ANKRD36: variants seen among roughly 807,000 people sequenced by gnomAD.
The protein encoded by ANKRD36 is ankyrin repeat domain 36, also known as ankyrin repeat domain-containing protein 36A.
A neutral mutation model predicts 278.1 loss-of-function variants in ANKRD36; 179 were observed. That is an observed-to-expected ratio of 0.64 (90% CI 0.57 to 0.73). The LOEUF (loss-of-function observed/expected upper bound fraction) is 0.73. Ranked by LOEUF, ANKRD36 falls within the 30% of genes least tolerant of loss-of-function variation. ANKRD36 has a pLI of 0.00. For missense variants in ANKRD36, 1,159 were observed against 1,956.7 expected, an observed-to-expected ratio of 0.59 and a Z score of 7.69; for synonymous variants, 320 against 641.1, an observed-to-expected ratio of 0.50 and a Z score of 7.57.
chr2:97,200,183 C>G (rs557429375), intron 44 of ANKRD36, 151 bp from the exon 45 acceptor site: 3 of 1,492,544 alleles, frequency 2.0e-6, no homozygotes, highest in East Asian at 4.9e-5. Context: ...GTATTTCTGT[C>G]ATGTTCTGAT....
chr2:97,208,649 C>G (rs1326950436), intron 54 of ANKRD36, among the ~76,000 whole-genome samples: 1 of 146,478 alleles, frequency 6.8e-6, no homozygotes, highest in African/African-American at 2.7e-5. Flanking sequence ...ACCACACTGA[C>G]CCATTACTCC....
At chr2:97,149,646 T>A (rs199820547) in intron 12 of ANKRD36, among the ~76,000 whole-genome samples, 1 of 130,580 alleles carries the variant, frequency 7.7e-6, no homozygotes, top group Non-Finnish European at 1.7e-5. Context: ...TTTCCCACAG[T>A]AGAGGATATA....
rs780281060 is a variant in ANKRD36, at chr2:97,164,298, C to T, written c.1445C>T (p.Pro482Leu). The part of the protein sequence containing the change: ...GQKANVSPEQ[P>L]PLFTHTVKDR... ...TGCTTTGTAGTGTCTCCTGAGCAAC[C>T]GCCTTTATTCACGGTAAACATATTT... The change falls in exon 19 of 76, where the codon CCG becomes CTG. Residue 482 changes from proline to leucine, a missense_variant. Pro to Leu is a moderately conservative substitution (Grantham distance 98). Coordinates refer to ENST00000420699, the MANE Select transcript of ANKRD36 (RefSeq NM_001354587.1). The T allele has an allele frequency of 5.2e-6, 8 of 1,534,498 alleles. No individual in the cohort carries two copies. In the South Asian group the frequency reaches 6.0e-5, roughly 11 times the overall value.
Position 97,180,062 on chromosome 2 carries a change from T to C in ANKRD36, c.1735+129T>C, listed in dbSNP as rs191847099. The C allele has an allele frequency of 4.2e-4, 584 of 1,383,378 alleles. 4 individuals carry two copies. The East Asian group carries it at 9.7e-3, about 23-fold the overall frequency. The allele number at this position is 1,383,378 out of a possible 1,614,324, so 85.7% of individuals were successfully genotyped here. On this transcript the variant is annotated intron_variant, in intron 24 of 75. Transcript: ENST00000420699. ...ATTCAGTACACCTGAGATTCTTCAT[T>C]TGTAGTGAGTTCTCAGGTGACCCTG...
intron 67 of ANKRD36, among the ~76,000 whole-genome samples, chr2:97,232,775 G>A (rs1289505307): frequency 6.6e-6 from 1 of 151,014 alleles, no homozygotes; most frequent in Non-Finnish European, 1.5e-5. Context: ...TACTGAACAT[G>A]TTTTTAACTC....
chr2:97,202,514 T>G, intron 48 of ANKRD36, 121 bp downstream of exon 48: 4 of 1,444,480 alleles, frequency 2.8e-6, no homozygotes, highest in Non-Finnish European at 3.7e-6. Flanking sequence ...GGCTGGAGAT[T>G]CTTCATTTGT....
In ANKRD36 at chr2:97,182,782, G is replaced by A. The variant is rs547203565; in HGVS notation, c.1838-677G>A. ...TATTATACTTTTTGATAAGGTTTAT[G>A]TATTATATTTGTTGCCATGAGTGGA... On this transcript the variant is annotated intron_variant, in intron 26 of 75. Coordinates refer to ENST00000420699, the MANE Select transcript of ANKRD36 (RefSeq NM_001354587.1). Among the ~76,000 whole-genome samples, 563 of 151,578 alleles carry A rather than the reference G, an allele frequency of 3.7e-3. 16 individuals are homozygous for A. The highest frequency in any genetic ancestry group is 5.8e-4 in the Non-Finnish European group (39 of 67,766).
chr2:97,124,118 T>G (rs1413927660), intron 4 of ANKRD36, among the ~76,000 whole-genome samples: 2 of 151,672 alleles, frequency 1.3e-5, no homozygotes, highest in Non-Finnish European at 1.5e-5. Flanking sequence ...TGCATTATAA[T>G]GTATAGTATC....
chr2:97,218,286 C>A (rs1452501464), intron 64 of ANKRD36, among the ~76,000 whole-genome samples: 1 of 149,094 alleles, frequency 6.7e-6, no homozygotes, highest in African/African-American at 2.5e-5. Context: ...GACTGATTTC[C>A]AAATGTATAA....
In ANKRD36 at chr2:97,226,894, G is replaced by A. The variant is rs546561945; in HGVS notation, c.3951+2015G>A. ...TTATTAAATAGGGAATCCTTTCCCCGTTGCTTGTTTTTCTCAGGGTTGTCA... is the reference window on the plus strand; with the variant it reads ...TTATTAAATAGGGAATCCTTTCCCCATTGCTTGTTTTTCTCAGGGTTGTCA... On this transcript the variant is annotated intron_variant, in intron 67 of 75. Coordinates refer to ENST00000420699, the MANE Select transcript of ANKRD36 (RefSeq NM_001354587.1). 1.1e-3 allele frequency among the ~76,000 whole-genome samples: 167 copies of A among 151,888 alleles called. 3 individuals are homozygous for A. Among genetic ancestry groups the A allele is most frequent in the Admixed American group, 3.7e-3 (56 of 15,248 alleles).
intron 67 of ANKRD36, among the ~76,000 whole-genome samples, chr2:97,227,232 A>G (rs1289487711): frequency 6.6e-6 from 1 of 152,198 alleles, no homozygotes; most frequent in East Asian, 2.0e-4. Flanking sequence ...GGCCATTTTA[A>G]CCATACTGAT....
intron 6 of ANKRD36, among the ~76,000 whole-genome samples, chr2:97,134,770 A>AT (rs1466201715): frequency 2.0e-5 from 3 of 151,928 alleles, no homozygotes; most frequent in African/African-American, 7.2e-5. Flanking sequence ...CTTTATATAT[A>AT]TTTTATATAT....
intron 67 of ANKRD36, among the ~76,000 whole-genome samples, chr2:97,226,118 A>G (rs2069493616): frequency 6.6e-6 from 1 of 151,664 alleles, no homozygotes; most frequent in Non-Finnish European, 1.5e-5. Flanking sequence ...AGCATGATTT[A>G]TAGTCCTTTG....
At chr2:97,152,106 C>A (rs1469463700) in intron 13 of ANKRD36, among the ~76,000 whole-genome samples, 167 bp downstream of exon 13, 1 of 125,754 alleles carries the variant, frequency 8.0e-6, no homozygotes, top group African/African-American at 2.5e-5. Context: ...GATTCTCCTG[C>A]CTTAGCCTCC....
chr2:97,182,381 G>A (rs2056453097), intron 26 of ANKRD36, among the ~76,000 whole-genome samples: 1 of 136,254 alleles, frequency 7.3e-6, no homozygotes, highest in Admixed American at 7.5e-5. Flanking sequence ...AACAGTGGAA[G>A]CAGGAAGGAG....
chr2:97,221,926 T>C (rs1447174765), intron 66 of ANKRD36, among the ~76,000 whole-genome samples: 1 of 148,304 alleles, frequency 6.7e-6, no homozygotes, highest in African/African-American at 2.5e-5. Context: ...AACATTTAAA[T>C]CTTTAATCCA....
At chr2:97,117,635 G>A (rs1023380272) in intron 1 of ANKRD36, among the ~76,000 whole-genome samples, 2 of 151,988 alleles carry the variant, frequency 1.3e-5, no homozygotes, top group Non-Finnish European at 2.9e-5. Context: ...AGATATGATT[G>A]TATCATTTTA....
At chr2:97,154,111 G>C (rs1258893887) in intron 14 of ANKRD36, among the ~76,000 whole-genome samples, 2 of 146,968 alleles carry the variant, frequency 1.4e-5, no homozygotes, top group African/African-American at 2.4e-5. Context: ...CAGTGTTTCA[G>C]GGGGTTCCCT....
At chr2:97,169,670 G>A (rs1415969758) in intron 22 of ANKRD36, among the ~76,000 whole-genome samples, 3 of 151,956 alleles carry the variant, frequency 2.0e-5, no homozygotes, top group Non-Finnish European at 2.9e-5. Flanking sequence ...GTGAGTGAAC[G>A]CCCATTCACA....
Sources: gnomAD v4.1 joint callset for allele counts (sites outside exome capture counted in the v4.1 genomes callset) on GRCh38, gnomAD v4.1.1 for gene constraint, MANE v1.5 for transcripts, NCBI Gene and HGNC (gene_info 2026-07-23, HGNC 2026-07-21) for gene names.